IGF1R: variants seen among roughly 807,000 people sequenced by gnomAD.
The protein encoded by IGF1R is insulin-like growth factor 1 receptor.
A neutral mutation model predicts 144.6 loss-of-function variants in IGF1R; 44 were observed. The ratio of observed to expected loss-of-function variants is 0.30; its 90% confidence interval spans 0.24 to 0.39. The LOEUF is 0.39. IGF1R is among the 10% of genes least tolerant of loss of function. The probability of loss-of-function intolerance (pLI) is 1.00; values close to 1 mark genes in which losing one functional copy is unlikely to be tolerated. For synonymous variants in IGF1R, 795 were observed against 722.8 expected, an observed-to-expected ratio of 1.10 and a Z score of -1.60; for missense variants, 1,355 against 1,833.7, an observed-to-expected ratio of 0.74 and a Z score of 4.77.
At chr15:98,942,222 C>T (rs45488898) in intron 18 of IGF1R, among the ~76,000 whole-genome samples, 1 of 152,168 alleles carries the variant, frequency 6.6e-6, no homozygotes. Flanking sequence ...AGCATCTGTA[C>T]TCTCCTGTTT....
chr15:98,792,904 A>G (rs1000135287), intron 2 of IGF1R, among the ~76,000 whole-genome samples: 9 of 152,204 alleles, frequency 5.9e-5, no homozygotes, highest in Non-Finnish European at 1.3e-4. Context: ...TCTGAACTGG[A>G]TGTTTCTATG....
At chr15:98,655,959 C>T (rs953273429) in intron 1 of IGF1R, among the ~76,000 whole-genome samples, 3 of 152,210 alleles carry the variant, frequency 2.0e-5, no homozygotes, top group Non-Finnish European at 4.4e-5. Flanking sequence ...TCCCGGAGGG[C>T]TGGGATCACA....
intron 19 of IGF1R, 66 bp from the exon 20 acceptor site, chr15:98,948,508 A>G: frequency 1.3e-6 from 2 of 1,534,346 alleles, no homozygotes; most frequent in East Asian, 2.2e-5. Flanking sequence ...AAGTGCTGGA[A>G]AGGAGGGGGC....
intron 2 of IGF1R, among the ~76,000 whole-genome samples, chr15:98,746,493 A>G (rs2054869854): frequency 1.3e-5 from 2 of 152,172 alleles, no homozygotes; most frequent in Non-Finnish European, 2.9e-5. Context: ...CACACCTTGT[A>G]CACTGTCAGG....
chr15:98,844,616 TTGTGTGTG>T lies in IGF1R; in HGVS notation c.641-46693_641-46686del, dbSNP rs148102776. Among the ~76,000 whole-genome samples the T allele has an allele frequency of 4.4e-3, 656 of 149,554 alleles. 5 individuals carry two copies. The highest frequency in any genetic ancestry group is 0.015 in the African/African-American group (610 of 40,914). On this transcript the variant is annotated intron_variant, in intron 2 of 20. Transcript: ENST00000650285. ...AAAAAGTTTTGCTGATTAACTATAT[TTGTGTGTG>T]TGTGTGTGTGTGTGTATTTAGAGAG...
intron 2 of IGF1R, among the ~76,000 whole-genome samples, chr15:98,800,575 G>A (rs150390753): frequency 2.0e-5 from 3 of 152,254 alleles, no homozygotes; most frequent in Admixed American, 6.5e-5. Context: ...TTAATAACAC[G>A]CTGGGTGTTA....
At chr15:98,819,660 C>T (rs560664054) in intron 2 of IGF1R, among the ~76,000 whole-genome samples, 1 of 152,130 alleles carries the variant, frequency 6.6e-6, no homozygotes, top group African/African-American at 2.4e-5. Flanking sequence ...CGCCAATAAG[C>T]TTTCGTTTAT....
intron 2 of IGF1R, among the ~76,000 whole-genome samples, chr15:98,838,647 G>T (rs770594012): frequency 6.0e-4 from 92 of 152,152 alleles, no homozygotes; most frequent in Non-Finnish European, 1.0e-3. Context: ...TCTAATCAGG[G>T]TATTAACCTT....
intron 1 of IGF1R, among the ~76,000 whole-genome samples, chr15:98,661,822 GA>G (rs2052604688): frequency 6.6e-6 from 1 of 152,116 alleles, no homozygotes; most frequent in Non-Finnish European, 1.5e-5. Context: ...CTGGCAAATA[GA>G]AAGCATCCAA....
At chr15:98,852,616 C>T in intron 2 of IGF1R, among the ~76,000 whole-genome samples, 1 of 151,942 alleles carries the variant, frequency 6.6e-6, no homozygotes, top group East Asian at 1.9e-4. Flanking sequence ...ACTAAGAAAG[C>T]GGGTGGAGGG....
At chr15:98,922,664 G>A (rs1399434014) in intron 11 of IGF1R, among the ~76,000 whole-genome samples, 2 of 152,216 alleles carry the variant, frequency 1.3e-5, no homozygotes, top group African/African-American at 2.4e-5. Context: ...GAACGTGCTG[G>A]GAGCAGGGAG....
rs972387662 is a variant in IGF1R at position 98,960,106 on chromosome 15, C to T, written c.*2664C>T. On this transcript the variant is annotated 3_prime_UTR_variant, in exon 21 of 21. Coordinates refer to ENST00000650285, the MANE Select transcript of IGF1R (RefSeq NM_000875.5). Reference sequence around the variant, plus strand: ...ATATGTGTATATAGACAAAAGAATACATCTCACCTTTCTCAGCACCTGACA... The same window carrying T: ...ATATGTGTATATAGACAAAAGAATATATCTCACCTTTCTCAGCACCTGACA... 4.3e-6 allele frequency: 1 copy of T among 233,404 alleles called. No homozygotes were observed. The highest frequency in any genetic ancestry group is 1.8e-4 in the South Asian group (1 of 5,532). The allele number at this position is 233,404 out of a possible 1,614,324, so 14.5% of individuals were successfully genotyped here. A position where few individuals can be genotyped will look rare whatever the true frequency, so the allele number is the denominator to read the frequency against.
intron 1 of IGF1R, among the ~76,000 whole-genome samples, chr15:98,679,095 C>CA (rs944903219): frequency 4.6e-5 from 7 of 151,948 alleles, no homozygotes; most frequent in Admixed American, 2.0e-4. Flanking sequence ...TTTTTAGAGA[C>CA]AGAGTCTCGC....
At chr15:98,726,278 C>T (rs1792591779) in intron 2 of IGF1R, among the ~76,000 whole-genome samples, 1 of 152,176 alleles carries the variant, frequency 6.6e-6, no homozygotes, top group Admixed American at 6.5e-5. Flanking sequence ...GATTTTCCTG[C>T]CCATTACTCT....
chr15:98,682,015 G>A (rs919778182), intron 1 of IGF1R, among the ~76,000 whole-genome samples: 2 of 152,124 alleles, frequency 1.3e-5, no homozygotes, highest in Admixed American at 6.5e-5. Context: ...GAGCGATTAG[G>A]AAGGAATTCA....
At position 98,696,580 on chromosome 15, in the gene IGF1R, G is replaced by A. The variant is rs557004872; in HGVS notation, c.95-10982G>A. ...CAAAACCCAGGTTATTGTAGTTTAC[G>A]GCTTCTGACCCAGGGCTTCACTTTG... On this transcript the variant is annotated intron_variant, in intron 1 of 20. Transcript: ENST00000650285. Among the ~76,000 whole-genome samples the A allele has an allele frequency of 5.9e-5, 9 of 152,280 alleles. 1 individual carries two copies. In the South Asian group the frequency reaches 1.9e-3, roughly 32 times the overall value.
intron 2 of IGF1R, among the ~76,000 whole-genome samples, chr15:98,780,126 C>T (rs542565925): frequency 3.3e-5 from 5 of 149,818 alleles, no homozygotes; most frequent in Admixed American, 2.6e-4. Context: ...AACAAACATT[C>T]GCATTTATTG....
chr15:98,871,245 A>G (rs1156945746), intron 2 of IGF1R, among the ~76,000 whole-genome samples: 2 of 152,236 alleles, frequency 1.3e-5, no homozygotes, highest in Non-Finnish European at 2.9e-5. Flanking sequence ...TGATTGAACC[A>G]GAGAGTAGGA....
chr15:98,797,682 T>A (rs1271914612), intron 2 of IGF1R, among the ~76,000 whole-genome samples: 2 of 152,208 alleles, frequency 1.3e-5, no homozygotes, highest in African/African-American at 2.4e-5. Flanking sequence ...AGAATGTCAG[T>A]ATATACATTG....
Sources: allele counts gnomAD v4.1 joint callset (sites outside exome capture counted in the v4.1 genomes callset), GRCh38; gene constraint gnomAD v4.1.1; transcripts MANE v1.5; gene names NCBI Gene and HGNC (gene_info 2026-07-23, HGNC 2026-07-21).